Variants in ANAPC1 observed in about 807,000 individuals in gnomAD.
The protein encoded by ANAPC1 is anaphase promoting complex subunit 1, also known as anaphase-promoting complex subunit 1.
ANAPC1 carries 36 observed loss-of-function variants against 208.0 expected under a neutral mutation model. That is an observed-to-expected ratio of 0.17 (90% CI 0.13 to 0.23). The LOEUF (loss-of-function observed/expected upper bound fraction) is 0.23. Ranked by LOEUF, ANAPC1 falls within the 10% of genes least tolerant of loss-of-function variation. ANAPC1 has a pLI of 1.00. For missense variants in ANAPC1, 942 were observed against 2,011.6 expected (o/e 0.47, Z 10.17); for synonymous variants, 378 against 695.2 (o/e 0.54, Z 7.18).
At chr2:111,778,117 A>C (rs1677086131) in intron 45 of ANAPC1, among the ~76,000 whole-genome samples, 1 of 152,178 alleles carries the variant, frequency 6.6e-6, no homozygotes, top group Non-Finnish European at 1.5e-5. Context: ...GCCTAAAGTG[A>C]ATAAATTGGT....
chr2:111,826,407 T>C (rs1216427687), intron 21 of ANAPC1, among the ~76,000 whole-genome samples: 1 of 152,200 alleles, frequency 6.6e-6, no homozygotes, highest in Non-Finnish European at 1.5e-5. Flanking sequence ...GTTTTCTTGC[T>C]CTACAGTTTT....
Position 111,821,509 on chromosome 2 carries a change from C to T in ANAPC1, c.2992-56G>A, listed in dbSNP as rs1679532839. ...TTCAAAAGCAGTTAACATGCACTTG[C>T]TGAACATGAGGATATATAGGCTGAT... is the stretch of plus-strand genomic sequence containing the variant. On this transcript the variant is annotated intron_variant, in intron 25 of 47. Transcript: ENST00000341068. The T allele has an allele frequency of 3.5e-6, 5 of 1,423,568 alleles. No individual in the cohort carries two copies. In the Admixed American group the frequency reaches 8.8e-5, roughly 25 times the overall value. 88.2% of individuals were successfully genotyped at this position (1,423,568 alleles called of 1,614,324 possible).
intron 22 of ANAPC1, 78 bp downstream of exon 22, chr2:111,825,699 A>C: frequency 6.8e-7 from 1 of 1,476,106 alleles, no homozygotes; most frequent in Admixed American, 1.8e-5. Flanking sequence ...GCAAACAAGA[A>C]AAATTCAATT....
chr2:111,845,574 G>A (rs184776894), intron 16 of ANAPC1, among the ~76,000 whole-genome samples: 38 of 151,968 alleles, frequency 2.5e-4, no homozygotes, highest in African/African-American at 9.2e-4. Flanking sequence ...GCTATAAAGG[G>A]GTAAGATTTT....
At chr2:111,837,612 A>G (rs1403657684) in intron 18 of ANAPC1, among the ~76,000 whole-genome samples, 5 of 15,606 alleles carry the variant, frequency 3.2e-4, no homozygotes, top group African/African-American at 2.0e-3. Context: ...CTCCGTCTCA[A>G]AAAAAAAAAA....
At chr2:111,831,836 A>AG (rs1680155648) in intron 20 of ANAPC1, among the ~76,000 whole-genome samples, 1 of 139,286 alleles carries the variant, frequency 7.2e-6, no homozygotes, top group East Asian at 2.0e-4. Context: ...CAAAAAAAAA[A>AG]AAAAAAAAAA....
chr2:111,791,259 G>T (rs1677859804), intron 38 of ANAPC1, among the ~76,000 whole-genome samples: 1 of 149,050 alleles, frequency 6.7e-6, no homozygotes, highest in African/African-American at 2.5e-5. Context: ...AAACTAAAAA[G>T]ACTACTAAAA....
intron 13 of ANAPC1, 31 bp from the exon 14 acceptor site, chr2:111,850,941 A>G: frequency 6.3e-7 from 1 of 1,584,934 alleles, no homozygotes; most frequent in South Asian, 1.2e-5. Flanking sequence ...TGGAAAAAAA[A>G]ATATTGCCTT....
chr2:111,874,426 C>T lies in ANAPC1; in HGVS notation c.376-762G>A, dbSNP rs1682919267. 2.6e-5 allele frequency among the ~76,000 whole-genome samples: 4 copies of T among 152,200 alleles called. No homozygotes were observed. The South Asian group carries it at 8.3e-4, about 32-fold the overall frequency. On this transcript the variant is annotated intron_variant, in intron 3 of 47. Coordinates refer to ENST00000341068, the MANE Select transcript of ANAPC1 (RefSeq NM_022662.4). ...GAAACTCCGTGCCCATTAAACAATA[C>T]TCCCCATTTCCCAATGCCCTGAGCT...
Position 111,868,002 on chromosome 2 carries a change from AG to A in ANAPC1, c.685+20del. 1 of 1,533,942 alleles carries A rather than the reference AG, an allele frequency of 6.5e-7. No homozygotes were observed. The highest frequency in any genetic ancestry group is 2.3e-5 in the East Asian group (1 of 43,824). ...TCAAAAAAAAAAGAGCTTATCTAAA[AG>A]AATATAGAAATACACTTACTTCCAG... On this transcript the variant is annotated intron_variant, in intron 7 of 47. Coordinates refer to ENST00000341068, the MANE Select transcript of ANAPC1 (RefSeq NM_022662.4).
chr2:111,806,669 T>C (rs1190550385), intron 29 of ANAPC1, among the ~76,000 whole-genome samples: 6 of 140,778 alleles, frequency 4.3e-5, no homozygotes, highest in Admixed American at 2.9e-4. Flanking sequence ...ATATTATGTT[T>C]AGACATTTAT....
intron 16 of ANAPC1, among the ~76,000 whole-genome samples, chr2:111,846,840 G>C (rs1311088766): frequency 6.6e-6 from 1 of 151,870 alleles, no homozygotes; most frequent in East Asian, 1.9e-4. Context: ...AAAGTGTTGG[G>C]ATTACAGGTG....
chr2:111,799,119 T>G (rs1386783539), intron 34 of ANAPC1, among the ~76,000 whole-genome samples: 2 of 151,850 alleles, frequency 1.3e-5, no homozygotes, highest in Non-Finnish European at 2.9e-5. Context: ...AAATACAAAT[T>G]TTTTTAAAAA....
intron 34 of ANAPC1, among the ~76,000 whole-genome samples, chr2:111,797,014 T>A (rs1678197201): frequency 6.6e-6 from 1 of 151,806 alleles, no homozygotes; most frequent in Non-Finnish European, 1.5e-5. Flanking sequence ...CACTGTTTTT[T>A]GTGTTTTTTT....
intron 22 of ANAPC1, 108 bp from the exon 23 acceptor site, chr2:111,825,275 A>T: frequency 6.3e-6 from 8 of 1,273,942 alleles, no homozygotes; most frequent in Non-Finnish European, 6.5e-6. Flanking sequence ...AACAACATCT[A>T]AAAAAAAATA....
chr2:111,794,684 T>C (rs1678066106), intron 35 of ANAPC1, 134 bp downstream of exon 35: 4 of 1,307,254 alleles, frequency 3.1e-6, no homozygotes, highest in Non-Finnish European at 4.3e-6. Flanking sequence ...CATGAACATC[T>C]GATAAATAAT....
At chr2:111,876,762 C>T (rs1516637) in intron 3 of ANAPC1, among the ~76,000 whole-genome samples, 102,805 of 151,964 alleles carry the variant, frequency 0.68, 34,951 homozygotes, top group African/African-American at 0.73. Flanking sequence ...AAATAGTTAA[C>T]GGTAGGCGGG....
At chr2:111,771,494 C>T (rs1676735756) in intron 47 of ANAPC1, among the ~76,000 whole-genome samples, 1 of 151,052 alleles carries the variant, frequency 6.6e-6, no homozygotes, top group African/African-American at 2.4e-5. Flanking sequence ...TTTTTGCTGG[C>T]ACTCTACTTC....
At chr2:111,811,150 C>T (rs1414431492) in intron 28 of ANAPC1, among the ~76,000 whole-genome samples, 1 of 152,062 alleles carries the variant, frequency 6.6e-6, no homozygotes, top group Non-Finnish European at 1.5e-5. Flanking sequence ...CAGTCCCCAC[C>T]AGCCTGTTCA....
Sources: allele counts gnomAD v4.1 joint callset (sites outside exome capture counted in the v4.1 genomes callset), GRCh38; gene constraint gnomAD v4.1.1; transcripts MANE v1.5; gene names NCBI Gene and HGNC (gene_info 2026-07-23, HGNC 2026-07-21).